The following OSBP2 variants were observed in gnomAD, a reference collection of about 807,000 sequenced individuals.
The protein encoded by OSBP2 is oxysterol binding protein 2.
Under a neutral mutation model 96.0 loss-of-function variants are expected in OSBP2, and 66 were observed. That is an observed-to-expected ratio of 0.69 (90% CI 0.56 to 0.84). The LOEUF (loss-of-function observed/expected upper bound fraction) is 0.84. Ranked by LOEUF, OSBP2 falls within the 40% of genes least tolerant of loss-of-function variation. OSBP2 has a pLI of 0.00. For missense variants in OSBP2, 1,038 were observed against 1,222.7 expected (o/e 0.85, Z 2.25); for synonymous variants, 525 against 520.9 (o/e 1.01, Z -0.11).
At chr22:30,892,680 C>T (rs1037045571) in intron 8 of OSBP2, among the ~76,000 whole-genome samples, 11 of 152,064 alleles carry the variant, frequency 7.2e-5, no homozygotes, top group Non-Finnish European at 5.9e-5. Context: ...AGGCAGGGCC[C>T]GACTGCCCCT....
Position 30,906,464 on chromosome 22 carries a change from AT to A in OSBP2, c.*135del, listed in dbSNP as rs376066257. 3,922 of 1,072,224 alleles carry A rather than the reference AT, an allele frequency of 3.7e-3. 5 individuals carry two copies. Among genetic ancestry groups the A allele is most frequent in the African/African-American group, 1.0e-2 (589 of 59,086 alleles). 66.4% of individuals were successfully genotyped at this position (1,072,224 alleles called of 1,614,324 possible). ...CCCAGCCCTTCCTATTTCCTTTCCT[AT>A]TTTTTTTTTCTCCCCACACTTTCTT... is the stretch of plus-strand genomic sequence containing the variant. On this transcript the variant is annotated 3_prime_UTR_variant, in exon 14 of 14. Coordinates refer to ENST00000332585, the MANE Select transcript of OSBP2 (RefSeq NM_030758.4).
At chr22:30,749,739 C>T (rs1174973571) in intron 2 of OSBP2, among the ~76,000 whole-genome samples, 1 of 152,162 alleles carries the variant, frequency 6.6e-6, no homozygotes, top group East Asian at 1.9e-4. Flanking sequence ...CTCCAAGTAT[C>T]TGAGATTACA....
chr22:30,844,183 C>A (rs191983976), intron 2 of OSBP2, among the ~76,000 whole-genome samples: 7 of 152,240 alleles, frequency 4.6e-5, no homozygotes, highest in Admixed American at 3.9e-4. Flanking sequence ...CCAAATTTAG[C>A]ATAATTCTTA....
intron 1 of OSBP2, among the ~76,000 whole-genome samples, chr22:30,733,982 A>ATT (rs966766956): frequency 1.3e-5 from 2 of 149,210 alleles, no homozygotes; most frequent in African/African-American, 4.9e-5. Context: ...ATACATTATC[A>ATT]TTTTTTTTTT....
intron 1 of OSBP2, among the ~76,000 whole-genome samples, chr22:30,714,762 G>A (rs1194874629): frequency 6.6e-6 from 1 of 152,006 alleles, no homozygotes; most frequent in Non-Finnish European, 1.5e-5. Context: ...GATTACAGGT[G>A]CCCACCACCA....
At chr22:30,874,401 ACT>A (rs1266237418) in intron 3 of OSBP2, among the ~76,000 whole-genome samples, 2 of 152,002 alleles carry the variant, frequency 1.3e-5, no homozygotes, top group Non-Finnish European at 2.9e-5. Flanking sequence ...ACAGAGTGAG[ACT>A]CTGTCTCAAA....
rs913205278 is a variant in OSBP2, at chr22:30,695,486, A to G, written c.577A>G (p.Thr193Ala). The change falls in exon 1 of 14, where the codon ACC becomes GCC. Residue 193 changes from threonine to alanine, a missense_variant. Thr to Ala is a moderately conservative substitution (Grantham distance 58). Coordinates refer to ENST00000332585, the MANE Select transcript of OSBP2 (RefSeq NM_030758.4). ...CTTCGAGGGCTGGCTTCTCAAGTGG[A>G]CCAACTATCTGAAGGGCTACCAGCG... The part of the protein sequence containing the change: ...DSFEGWLLKW[T>A]NYLKGYQRRW... 1.6e-5 allele frequency: 26 copies of G among 1,613,144 alleles called. No homozygotes were observed. Among genetic ancestry groups the G allele is most frequent in the Non-Finnish European group, 2.1e-5 (25 of 1,180,024 alleles).
At chr22:30,818,392 GT>G (rs758227543) in intron 2 of OSBP2, among the ~76,000 whole-genome samples, 1 of 152,084 alleles carries the variant, frequency 6.6e-6, no homozygotes, top group Non-Finnish European at 1.5e-5. Flanking sequence ...TTCACCTGCT[GT>G]TATTGAGTTA....
intron 2 of OSBP2, among the ~76,000 whole-genome samples, chr22:30,855,970 A>G (rs1424714256): frequency 6.6e-6 from 1 of 152,102 alleles, no homozygotes; most frequent in African/African-American, 2.4e-5. Context: ...CCTGCAGGCT[A>G]TGTGAGGGGC....
At position 30,890,813 on chromosome 22, in the gene OSBP2, G is replaced by A; in HGVS notation, c.1709G>A (p.Cys570Tyr). The A allele has an allele frequency of 6.2e-7, 1 of 1,613,666 alleles. No individual in the cohort carries two copies. Among genetic ancestry groups the A allele is most frequent in the Non-Finnish European group, 8.5e-7 (1 of 1,179,996 alleles). Residue 570 changes from cysteine (C) to tyrosine (Y), a missense_variant, in exon 8 of 14, where the codon TGC becomes TAC. Physicochemically the swap from Cys to Tyr is radical, Grantham distance 194 (BLOSUM62 -2). Around this residue, in one of 3 missense-constraint regions of OSBP2, gnomAD observed 737 missense variants for 913.3 expected, o/e 0.81. Coordinates refer to ENST00000332585, the MANE Select transcript of OSBP2 (RefSeq NM_030758.4). This position sits in a 1 kb window ranked among gnomAD's most constrained non-coding sequence, Gnocchi z 4.4. ...YHHLLDKAVH[C>Y]TSSVEQMCLV... ...CACCTGCTGGACAAGGCAGTGCACTGCACCAGCTCAGTGGAGCAGATGTGC... is the reference window on the plus strand; with the variant it reads ...CACCTGCTGGACAAGGCAGTGCACTACACCAGCTCAGTGGAGCAGATGTGC...
At chr22:30,802,423 G>A (rs2090862614) in intron 2 of OSBP2, among the ~76,000 whole-genome samples, 1 of 152,232 alleles carries the variant, frequency 6.6e-6, no homozygotes, top group African/African-American at 2.4e-5. Context: ...TTGCAACCTC[G>A]GGTAGCGTGT....
rs1203131063 is a variant in OSBP2, at chr22:30,888,230, C to T, written c.1308C>T (p.Leu436=). The T allele has an allele frequency of 6.2e-7, 1 of 1,606,654 alleles. No individual in the cohort carries two copies. Among genetic ancestry groups the T allele is most frequent in the Middle Eastern group, 1.7e-4 (1 of 6,044 alleles). Residue 436 remains leucine, a synonymous_variant, in exon 5 of 14, where the codon CTC becomes CTT. Coordinates refer to ENST00000332585, the MANE Select transcript of OSBP2 (RefSeq NM_030758.4). ...CTCTGTCTGTGTCTCTAGGAAGCCT[C>T]TTGACTCCCAAAGGAGAGGACAGTG... ...NPSKSFIEGS[L]LTPKGEDSEE...
chr22:30,863,487 C>G (rs2147092998), intron 2 of OSBP2, among the ~76,000 whole-genome samples: 1 of 152,272 alleles, frequency 6.6e-6, no homozygotes, highest in Middle Eastern at 3.4e-3. Context: ...CAGACTGTGA[C>G]AAAATAGGAT....
intron 1 of OSBP2, among the ~76,000 whole-genome samples, chr22:30,740,693 G>T (rs573392107): frequency 6.7e-6 from 1 of 150,274 alleles, no homozygotes; most frequent in East Asian, 1.9e-4. Context: ...GGGTTTCACC[G>T]TGTTGGCTCA....
Position 30,704,599 on chromosome 22 carries a change from C to T in OSBP2, c.644+9046C>T, listed in dbSNP as rs990850433. On this transcript the variant is annotated intron_variant, in intron 1 of 13. Coordinates refer to ENST00000332585, the MANE Select transcript of OSBP2 (RefSeq NM_030758.4). ...TGGTGCAGTCTCAGTTCACTGCAAC[C>T]TCTGCCTCCTGGGTTCAAGATATTT... 3.3e-5 allele frequency among the ~76,000 whole-genome samples: 5 copies of T among 151,548 alleles called. No individual in the cohort carries two copies. The Admixed American group carries it at 3.3e-4, about 10-fold the overall frequency.
At chr22:30,813,300 A>G (rs922382703) in intron 2 of OSBP2, among the ~76,000 whole-genome samples, 3 of 147,546 alleles carry the variant, frequency 2.0e-5, no homozygotes, top group Non-Finnish European at 3.0e-5. Context: ...CAGCCTCCTG[A>G]GTAGCTGGAA....
At chr22:30,730,094 C>T (rs1011047840) in intron 1 of OSBP2, among the ~76,000 whole-genome samples, 1 of 152,010 alleles carries the variant, frequency 6.6e-6, no homozygotes, top group Non-Finnish European at 1.5e-5. Context: ...TTCCAAGTAG[C>T]TGGGACTACA....
At chr22:30,893,412 C>T (rs770568146) in intron 9 of OSBP2, 51 bp from the exon 10 acceptor site, 1 of 1,562,988 alleles carries the variant, frequency 6.4e-7, no homozygotes, top group Non-Finnish European at 8.8e-7. Flanking sequence ...GGCAGACTGG[C>T]CAGAGCCCTG....
intron 2 of OSBP2, among the ~76,000 whole-genome samples, chr22:30,824,702 A>G (rs2038361091): frequency 6.6e-6 from 1 of 152,100 alleles, no homozygotes; most frequent in African/African-American, 2.4e-5. Context: ...GTGTCACCGC[A>G]CACAAATTTC....
Sources: gnomAD v4.1 joint callset for allele counts (sites outside exome capture counted in the v4.1 genomes callset) on GRCh38, gnomAD v4.1.1 for gene constraint, gnomAD v4.1.1 regional missense constraint, Gnocchi (gnomAD v3.1) non-coding constraint, MANE v1.5 for transcripts, NCBI Gene and HGNC (gene_info 2026-07-23, HGNC 2026-07-21) for gene names.